IMPG1: variants seen among roughly 807,000 people sequenced by gnomAD.
IMPG1 encodes the protein interphotoreceptor matrix proteoglycan 1.
In IMPG1, 85 loss-of-function variants were observed where a neutral mutation model predicts 92.0. The ratio of observed to expected loss-of-function variants is 0.92; its 90% CI spans 0.78 to 1.11. The LOEUF is 1.11. Among genes scored for constraint, IMPG1 ranks in the 50% least tolerant of loss-of-function variants. IMPG1 has a pLI of 0.00. For synonymous variants in IMPG1, 367 were observed against 334.1 expected (o/e 1.10, Z -1.08); for missense variants, 1,022 against 956.0 (o/e 1.07, Z -0.91).
intron 8 of IMPG1, among the ~76,000 whole-genome samples, chr6:76,008,732 G>A (rs753960444): frequency 2.0e-5 from 3 of 152,124 alleles, no homozygotes; most frequent in Non-Finnish European, 2.9e-5. Context: ...GTATCATTGT[G>A]ATAAACAAAT....
chr6:75,943,989 TC>T (rs1189485334), intron 14 of IMPG1, among the ~76,000 whole-genome samples: 9 of 152,220 alleles, frequency 5.9e-5, no homozygotes, highest in Admixed American at 2.0e-4. Context: ...CAGTGCAAAT[TC>T]CTTTGGGCAG....
At chr6:75,991,089 G>C (rs912673908) in intron 12 of IMPG1, among the ~76,000 whole-genome samples, 6 of 152,104 alleles carry the variant, frequency 3.9e-5, no homozygotes, top group African/African-American at 1.4e-4. Context: ...TTTGCATGAA[G>C]GATGCTTCTC....
chr6:75,970,774 A>T (rs1782399470), intron 12 of IMPG1, among the ~76,000 whole-genome samples: 1 of 152,218 alleles, frequency 6.6e-6, no homozygotes, highest in Admixed American at 6.5e-5. Flanking sequence ...ATAGCATCTG[A>T]ATTATTTATT....
Position 76,007,496 on chromosome 6 carries a change from T to C in IMPG1, c.871A>G (p.Lys291Glu). 1.9e-6 allele frequency: 3 copies of C among 1,599,076 alleles called. No individual in the cohort carries two copies. The highest frequency in any genetic ancestry group is 2.6e-6 in the Non-Finnish European group (3 of 1,170,224). ...KKIHVLGFRP[K>E]KEKDGSSSTE... is the part of the protein sequence containing the mutation. ...CCAAATTACCCATCTTTTTCTTTCT[T>C]TGGTCTTCATTTCATCATGCACAAT... The change falls in exon 9 of 17, where the codon AAG becomes GAG. Residue 291 changes from lysine to glutamate, a missense_variant. Lys to Glu is a moderately conservative substitution (Grantham distance 56, BLOSUM62 1). Around this residue, in one of 3 missense-constraint regions of IMPG1, gnomAD observed 681 missense variants for 583.6 expected, o/e 1.17. Coordinates refer to ENST00000369950, the MANE Select transcript of IMPG1 (RefSeq NM_001563.4).
intron 12 of IMPG1, among the ~76,000 whole-genome samples, chr6:75,998,999 G>T (rs1462215388): frequency 1.3e-5 from 2 of 152,104 alleles, no homozygotes; most frequent in Admixed American, 6.5e-5. Context: ...TGAGATTACA[G>T]GCATGCAGTA....
intron 12 of IMPG1, among the ~76,000 whole-genome samples, chr6:75,963,858 C>T (rs1365713718): frequency 3.3e-5 from 5 of 152,190 alleles, no homozygotes. Flanking sequence ...AATACCAACT[C>T]AAAAGGCTGG....
chr6:75,937,178 A>G (rs1274135418), intron 14 of IMPG1, among the ~76,000 whole-genome samples: 3 of 152,090 alleles, frequency 2.0e-5, no homozygotes, highest in Non-Finnish European at 2.9e-5. Context: ...AATTCCTATG[A>G]CTGCTCCAGC....
At chr6:75,977,616 C>A (rs1209604890) in intron 12 of IMPG1, among the ~76,000 whole-genome samples, 2 of 151,412 alleles carry the variant, frequency 1.3e-5, no homozygotes, top group Non-Finnish European at 2.9e-5. Flanking sequence ...AAAAAACCCC[C>A]AAAAAACAAG....
chr6:75,976,760 G>T (rs907811117), intron 12 of IMPG1, among the ~76,000 whole-genome samples: 1 of 151,318 alleles, frequency 6.6e-6, no homozygotes, highest in Non-Finnish European at 1.5e-5. Context: ...AAAATACAAA[G>T]AACTAGCCGG....
chr6:75,988,338 A>T (rs1262128954), intron 12 of IMPG1, among the ~76,000 whole-genome samples: 1 of 152,074 alleles, frequency 6.6e-6, no homozygotes, highest in Admixed American at 6.6e-5. Flanking sequence ...ATGATATCTC[A>T]TTGTTGCTTT....
chr6:75,988,251 A>C (rs924098899), intron 12 of IMPG1, among the ~76,000 whole-genome samples: 17 of 152,166 alleles, frequency 1.1e-4, no homozygotes, highest in Admixed American at 9.2e-4. Context: ...GTGTAAAAGC[A>C]TTCCTATTTC....
At chr6:75,993,181 T>C (rs925778918) in intron 12 of IMPG1, among the ~76,000 whole-genome samples, 1 of 152,154 alleles carries the variant, frequency 6.6e-6, no homozygotes, top group Admixed American at 6.5e-5. Context: ...TAGTTGTTAA[T>C]AGTTCTTAAT....
chr6:76,022,882 G>T (rs1234829194), intron 5 of IMPG1, among the ~76,000 whole-genome samples: 1 of 152,078 alleles, frequency 6.6e-6, no homozygotes, highest in Non-Finnish European at 1.5e-5. Context: ...ATAGTTAATT[G>T]GTTTATATTT....
chr6:76,055,582 A>G (rs1019459648), intron 1 of IMPG1, among the ~76,000 whole-genome samples: 1 of 151,850 alleles, frequency 6.6e-6, no homozygotes, highest in Non-Finnish European at 1.5e-5. Flanking sequence ...GAGATCATAA[A>G]TATAAATGAA....
chr6:76,053,717 G>A (rs1784078426), intron 1 of IMPG1, among the ~76,000 whole-genome samples: 1 of 151,982 alleles, frequency 6.6e-6, no homozygotes, highest in South Asian at 2.1e-4. Flanking sequence ...ATCAGAGTCG[G>A]CTCTAATTTA....
rs1169854150 is a variant in IMPG1, at chr6:75,951,971, C to T, written c.1292-877G>A. On this transcript the variant is annotated intron_variant, in intron 12 of 16. Transcript: ENST00000369950. ...TAATAATAATAATAATAATAAAATA[C>T]AGTAAAAAACCTTTGCCACAGTTAC... is the stretch of plus-strand genomic sequence containing the variant. Among the ~76,000 whole-genome samples, 14 of 151,866 alleles carry T rather than the reference C, an allele frequency of 9.2e-5. No homozygotes were observed. The South Asian group carries it at 2.9e-3, about 32-fold the overall frequency.
chr6:76,038,298 T>C (rs150049384), intron 2 of IMPG1, among the ~76,000 whole-genome samples: 12 of 152,358 alleles, frequency 7.9e-5, no homozygotes, highest in African/African-American at 2.9e-4. Context: ...GAATCTTCTT[T>C]CTAGAGCATA....
chr6:75,963,203 A>T (rs1782238272), intron 12 of IMPG1, among the ~76,000 whole-genome samples: 1 of 152,192 alleles, frequency 6.6e-6, no homozygotes, highest in African/African-American at 2.4e-5. Flanking sequence ...AGGGGATGGT[A>T]TTGCAAGAAA....
At chr6:76,064,768 T>A (rs538098528) in intron 1 of IMPG1, among the ~76,000 whole-genome samples, 1 of 152,286 alleles carries the variant, frequency 6.6e-6, no homozygotes, top group South Asian at 2.1e-4. Flanking sequence ...CATATACCTA[T>A]CAGCTTCTGC....
Sources: gnomAD v4.1 joint callset for allele counts (sites outside exome capture counted in the v4.1 genomes callset) on GRCh38, gnomAD v4.1.1 for gene constraint, gnomAD v4.1.1 regional missense constraint, MANE v1.5 for transcripts, NCBI Gene and HGNC (gene_info 2026-07-23, HGNC 2026-07-21) for gene names.